GSR: variants seen among roughly 807,000 people sequenced by gnomAD.
GSR encodes the protein glutathione reductase, mitochondrial.
GSR carries 48 observed loss-of-function variants against 56.5 expected under a neutral mutation model. The ratio of observed to expected loss-of-function variants is 0.85; its 90% CI spans 0.67 to 1.08. The LOEUF is 1.08. GSR is among the 50% of genes least tolerant of loss of function. GSR has a pLI of 0.00. For synonymous variants in GSR, 264 were observed against 270.8 expected (o/e 0.97, Z 0.25); for missense variants, 694 against 703.3 (o/e 0.99, Z 0.15).
intron 9 of GSR, 37 bp from the exon 10 acceptor site, chr8:30,684,236 C>T (rs1421680553): frequency 1.7e-6 from 2 of 1,154,128 alleles, no homozygotes; most frequent in African/African-American, 1.5e-5. Flanking sequence ...ACCACTTGGC[C>T]CACCTACTAA....
intron 1 of GSR, among the ~76,000 whole-genome samples, chr8:30,723,563 G>T (rs1273832086): frequency 6.6e-6 from 1 of 152,040 alleles, no homozygotes; most frequent in Non-Finnish European, 1.5e-5. Flanking sequence ...GGCTGAGGCG[G>T]GTGGATCACT....
At chr8:30,704,836 C>T (rs1215888079) in intron 4 of GSR, 1 of 152,168 alleles carries the variant, frequency 6.6e-6, no homozygotes, top group African/African-American at 2.4e-5. Flanking sequence ...ACACCATTCC[C>T]TCAGGTCTTA....
rs1006934097 is a variant in GSR, at chr8:30,697,664, G to C, written c.696-1185C>G. ...GAAAAATCCCTAATATCCCGTCACA[G>C]AAGGGAAATGTATTTTTCATTGTTT... On this transcript the variant is annotated intron_variant, in intron 6 of 12. Transcript: ENST00000221130. 5.9e-5 allele frequency among the ~76,000 whole-genome samples: 9 copies of C among 152,088 alleles called. No homozygotes were observed. The East Asian group carries it at 1.3e-3, about 23-fold the overall frequency.
intron 3 of GSR, among the ~76,000 whole-genome samples, chr8:30,708,401 G>C (rs1232683251): frequency 1.3e-5 from 2 of 152,168 alleles, no homozygotes; most frequent in Non-Finnish European, 2.9e-5. Context: ...GAAATGTTTT[G>C]GCAAAGTGCC....
In GSR at chr8:30,689,327, C is replaced by T; in HGVS notation, c.883-8G>A. 1 of 1,612,966 alleles carries T rather than the reference C, an allele frequency of 6.2e-7. No homozygotes were observed. The highest frequency in any genetic ancestry group is 1.6e-4 in the Middle Eastern group (1 of 6,062). ...CTTTTTAACCTCCTTGACCTATTGG[C>T]AAATAAAATGTGTTACACATGTGTG... On this transcript the variant is annotated splice_polypyrimidine_tract_variant and splice_region_variant and intron_variant, in intron 8 of 12. Coordinates refer to ENST00000221130, the MANE Select transcript of GSR (RefSeq NM_000637.5).
chr8:30,715,109 G>A (rs1366694549), intron 1 of GSR, among the ~76,000 whole-genome samples: 1 of 151,964 alleles, frequency 6.6e-6, no homozygotes, highest in Non-Finnish European at 1.5e-5. Context: ...GAGACCCTGA[G>A]ACCCCATCTC....
At chr8:30,696,508 TTAAA>T (rs1176146389) in intron 6 of GSR, 29 bp from the exon 7 acceptor site, 2 of 1,390,626 alleles carry the variant, frequency 1.4e-6, no homozygotes, top group Non-Finnish European at 2.0e-6. Flanking sequence ...GTTAGTATTC[TTAAA>T]TAAACTAATT....
At position 30,708,750 on chromosome 8, in the gene GSR, A is replaced by C. The variant is rs190701554; in HGVS notation, c.423-609T>G. Reference sequence around the variant, plus strand: ...GGTGGGCGGATCACGAGGTCAGAAGATCGAGATCATTCTGGCTAACACAGT... The same window carrying C: ...GGTGGGCGGATCACGAGGTCAGAAGCTCGAGATCATTCTGGCTAACACAGT... On this transcript the variant is annotated intron_variant, in intron 3 of 12. Coordinates refer to ENST00000221130, the MANE Select transcript of GSR (RefSeq NM_000637.5). Among the ~76,000 whole-genome samples the C allele has an allele frequency of 1.5e-3, 234 of 152,046 alleles. 2 individuals carry two copies. Among genetic ancestry groups the C allele is most frequent in the African/African-American group, 4.9e-3 (204 of 41,468 alleles).
chr8:30,681,792 G>T, intron 11 of GSR, 138 bp downstream of exon 11: 1 of 784,572 alleles, frequency 1.3e-6, no homozygotes, highest in Non-Finnish European at 2.2e-6. Context: ...AACTGGAACT[G>T]TGACAAGAGA....
At chr8:30,700,623 C>T (rs1318068126) in intron 5 of GSR, among the ~76,000 whole-genome samples, 1 of 147,802 alleles carries the variant, frequency 6.8e-6, no homozygotes. Context: ...ACTTGGGAGG[C>T]TGAGGCAGGA....
chr8:30,710,318 T>C (rs1203035805), intron 2 of GSR, among the ~76,000 whole-genome samples: 1 of 151,396 alleles, frequency 6.6e-6, no homozygotes, highest in Non-Finnish European at 1.5e-5. Flanking sequence ...TCTCAAAAGA[T>C]AAAATAATAA....
chr8:30,682,213 C>G, intron 10 of GSR, 152 bp from the exon 11 acceptor site: 1 of 716,566 alleles, frequency 1.4e-6, no homozygotes, highest in Non-Finnish European at 2.5e-6. Context: ...TTTAATACAG[C>G]GAAGATATGT....
intron 5 of GSR, among the ~76,000 whole-genome samples, chr8:30,700,723 C>CAAAAAAAAAAAAAAAAAAAAAAAAAAAA (rs55702917): frequency 2.5e-5 from 2 of 80,044 alleles, no homozygotes; most frequent in Non-Finnish European, 4.7e-5. Flanking sequence ...ATTTTGTCTC[C>CAAAAAAAAAAAAAAAAAAAAAAAAAAAA]AAAAAAAAAA....
At chr8:30,725,142 A>T (rs1045570455) in intron 1 of GSR, among the ~76,000 whole-genome samples, 2 of 152,286 alleles carry the variant, frequency 1.3e-5, no homozygotes, top group Admixed American at 6.5e-5. Context: ...CAATCCCAGC[A>T]CTTAAAATAC....
chr8:30,696,656 C>T lies in GSR; in HGVS notation c.696-177G>A, dbSNP rs144093027. 3.3e-3 allele frequency among the ~76,000 whole-genome samples: 510 copies of T among 152,242 alleles called. 6 individuals carry two copies. Among genetic ancestry groups the T allele is most frequent in the African/African-American group, 0.012 (487 of 41,548 alleles). On this transcript the variant is annotated intron_variant, in intron 6 of 12. Transcript: ENST00000221130. ...TACCTTTGTCAAAATAAGAAATTGACATTGGTACATTACTAATGACTAAAC... is the reference window on the plus strand; with the variant it reads ...TACCTTTGTCAAAATAAGAAATTGATATTGGTACATTACTAATGACTAAAC...
intron 1 of GSR, among the ~76,000 whole-genome samples, chr8:30,715,249 T>C (rs1053268917): frequency 2.0e-5 from 3 of 151,962 alleles, no homozygotes; most frequent in Non-Finnish European, 4.4e-5. Context: ...GCTCTGATCA[T>C]ACCACTGCAC....
chr8:30,724,248 A>G (rs1191445675), intron 1 of GSR, among the ~76,000 whole-genome samples: 1 of 152,146 alleles, frequency 6.6e-6, no homozygotes, highest in Non-Finnish European at 1.5e-5. Context: ...CAGAAAGACA[A>G]ACTTCTATTG....
intron 1 of GSR, among the ~76,000 whole-genome samples, chr8:30,718,292 A>C (rs962700395): frequency 2.6e-5 from 4 of 152,080 alleles, no homozygotes; most frequent in Non-Finnish European, 5.9e-5. Context: ...TAGAGGGAGC[A>C]CAGGCCTCAA....
chr8:30,712,109 C>T (rs564731668), intron 1 of GSR, 21 bp from the exon 2 acceptor site: 2 of 1,339,892 alleles, frequency 1.5e-6, no homozygotes, highest in East Asian at 2.3e-5. Flanking sequence ...AAAAAAGAGA[C>T]ACACTTTAAG....
Sources: allele counts gnomAD v4.1 joint callset (sites outside exome capture counted in the v4.1 genomes callset), GRCh38; gene constraint gnomAD v4.1.1; transcripts MANE v1.5; gene names NCBI Gene and HGNC (gene_info 2026-07-23, HGNC 2026-07-21).